FBXW10: variants seen among roughly 807,000 people sequenced by gnomAD.
FBXW10 encodes the protein F-box/WD repeat-containing protein 10.
FBXW10 carries 68 observed loss-of-function variants against 113.1 expected under a neutral mutation model. That is an observed-to-expected ratio of 0.60 (90% CI 0.49 to 0.74). FBXW10 has a LOEUF of 0.74. Ranked by LOEUF, FBXW10 falls within the 30% of genes least tolerant of loss-of-function variation. The pLI is 0.00. For synonymous variants in FBXW10, 289 were observed against 481.6 expected (o/e 0.60, Z 5.24); for missense variants, 753 against 1,284.5 (o/e 0.59, Z 6.32).
intron 4 of FBXW10, 110 bp downstream of exon 4, chr17:18,750,247 AC>A: frequency 1.0e-6 from 1 of 984,764 alleles, no homozygotes; most frequent in South Asian, 1.7e-5. Context: ...CTCCTCCTCT[AC>A]ATTTGTGGCC....
At chr17:18,758,271 C>G (rs1335673188) in intron 6 of FBXW10, 34 bp from the exon 7 acceptor site, 6 of 1,472,332 alleles carry the variant, frequency 4.1e-6, no homozygotes, top group East Asian at 2.4e-5. Flanking sequence ...ACTGACTCTT[C>G]TTTCATGGAT....
chr17:18,773,355 T>C (rs892092652), intron 12 of FBXW10, among the ~76,000 whole-genome samples: 1 of 152,012 alleles, frequency 6.6e-6, no homozygotes, highest in Non-Finnish European at 1.5e-5. Context: ...TCAAAACATA[T>C]ATTACATAAC....
chr17:18,776,041 G>A (rs887928962), intron 13 of FBXW10, among the ~76,000 whole-genome samples: 1 of 150,644 alleles, frequency 6.6e-6, no homozygotes, highest in African/African-American at 2.4e-5. Flanking sequence ...AAAAGTGGCC[G>A]GGCGCGGTGG....
At position 18,754,947 on chromosome 17, in the gene FBXW10, T is replaced by G. The variant is rs1597591709; in HGVS notation, c.1123-1098T>G. On this transcript the variant is annotated intron_variant, in intron 5 of 13. Coordinates refer to ENST00000395665, the MANE Select transcript of FBXW10 (RefSeq NM_001267585.2). The stretch of plus-strand genomic sequence containing the variant: ...GGCAGCTACAAGGACAAATGAAAGT[T>G]GCAGATGTATGAAAACTTTGAAATG... 2.6e-5 allele frequency among the ~76,000 whole-genome samples: 4 copies of G among 152,316 alleles called. No homozygotes were observed. The East Asian group carries it at 7.7e-4, about 29-fold the overall frequency.
At position 18,778,905 on chromosome 17, in the gene FBXW10, A is replaced by T; in HGVS notation, c.2766A>T (p.Leu922Phe). 9 of 1,613,722 alleles carry T rather than the reference A, an allele frequency of 5.6e-6. No individual in the cohort carries two copies. Among genetic ancestry groups the T allele is most frequent in the Non-Finnish European group, 7.6e-6 (9 of 1,179,810 alleles). Residue 922 changes from leucine (L) to phenylalanine (F), a missense_variant, in exon 14 of 14, where the codon TTA (leucine) becomes TTT (phenylalanine). By Grantham distance (22) the Leu-to-Phe change is conservative. Coordinates refer to ENST00000395665, the MANE Select transcript of FBXW10 (RefSeq NM_001267585.2). ...TCCGCTCCAGGTTCTCTGGCAGCTT[A>T]AAGGGTGGAGACCAAGTGACCAGTT... ...MIIRSRFSGS[L>F]KGGDQVTSSI...
intron 6 of FBXW10, among the ~76,000 whole-genome samples, chr17:18,757,286 C>T (rs1274951108): frequency 6.6e-6 from 1 of 152,120 alleles, no homozygotes; most frequent in Non-Finnish European, 1.5e-5. Context: ...TGGGCTCAAG[C>T]GATTCTCCTG....
In FBXW10 at chr17:18,761,095, T is replaced by C. The variant is rs142465313; in HGVS notation, c.1433+2590T>C. Among the ~76,000 whole-genome samples the C allele has an allele frequency of 2.6e-5, 4 of 152,262 alleles. No individual in the cohort carries two copies. In the East Asian group the frequency reaches 7.7e-4, roughly 29 times the overall value. ...GATTTGAGGTGCTATCTTTATCACA[T>C]TGAAATTTCCCATATGTGCATGAGA... On this transcript the variant is annotated intron_variant, in intron 7 of 13. Coordinates refer to ENST00000395665, the MANE Select transcript of FBXW10 (RefSeq NM_001267585.2).
chr17:18,762,057 G>A (rs1467867890), intron 7 of FBXW10, among the ~76,000 whole-genome samples: 2 of 151,692 alleles, frequency 1.3e-5, no homozygotes, highest in South Asian at 2.1e-4. Context: ...CCGCCTCCTG[G>A]GTTCATGCCA....
Position 18,771,228 on chromosome 17 carries a change from G to A in FBXW10, c.2006+1143G>A, listed in dbSNP as rs1465429166. On this transcript the variant is annotated intron_variant, in intron 11 of 13. Transcript: ENST00000395665. Reference sequence around the variant, plus strand: ...GGATTTCTTATTGGAATGACACCCCGCATTCCATTCCAGCAGTTCCAGCCA... The same window carrying A: ...GGATTTCTTATTGGAATGACACCCCACATTCCATTCCAGCAGTTCCAGCCA... Among the ~76,000 whole-genome samples, 5 of 152,106 alleles carry A rather than the reference G, an allele frequency of 3.3e-5. No individual in the cohort carries two copies. In the East Asian group the frequency reaches 7.7e-4, roughly 23 times the overall value.
At chr17:18,767,854 G>A (rs1218731700) in intron 9 of FBXW10, among the ~76,000 whole-genome samples, 1 of 152,062 alleles carries the variant, frequency 6.6e-6, no homozygotes, top group East Asian at 1.9e-4. Context: ...AGTGATTTCT[G>A]GCCCTCTCTA....
At chr17:18,755,565 A>AG (rs2035245721) in intron 5 of FBXW10, among the ~76,000 whole-genome samples, 1 of 150,550 alleles carries the variant, frequency 6.6e-6, no homozygotes, top group Non-Finnish European at 1.5e-5. Flanking sequence ...AAAAAAAAAA[A>AG]TGCAAATGCA....
Position 18,769,851 on chromosome 17 carries a change from A to C in FBXW10, c.1848-76A>C, listed in dbSNP as rs985944050. On this transcript the variant is annotated intron_variant, in intron 10 of 13. Coordinates refer to ENST00000395665, the MANE Select transcript of FBXW10 (RefSeq NM_001267585.2). ...GCCAGTGCTGCTCAATCACACACAAAATGCTCCCAACCTACAAACAAACCC... is the reference window on the plus strand; with the variant it reads ...GCCAGTGCTGCTCAATCACACACAACATGCTCCCAACCTACAAACAAACCC... The C allele has an allele frequency of 4.7e-4, 729 of 1,544,808 alleles. 8 individuals carry two copies. The highest frequency in any genetic ancestry group is 8.7e-5 in the Non-Finnish European group (99 of 1,137,762).
chr17:18,777,222 C>T (rs959098694), intron 13 of FBXW10, among the ~76,000 whole-genome samples: 10 of 151,586 alleles, frequency 6.6e-5, no homozygotes, highest in East Asian at 3.9e-4. Flanking sequence ...CCACCACGCC[C>T]GGCTAATTTT....
intron 11 of FBXW10, 50 bp from the exon 12 acceptor site, chr17:18,772,362 C>T (rs773224164): frequency 1.1e-5 from 17 of 1,564,058 alleles, no homozygotes; most frequent in Admixed American, 8.9e-5. Flanking sequence ...GTGCATCTTT[C>T]GGTGGCCTCC....
chr17:18,765,016 CATCT>C (rs1193794249), intron 8 of FBXW10, among the ~76,000 whole-genome samples, 153 bp downstream of exon 8: 2 of 152,116 alleles, frequency 1.3e-5, no homozygotes, highest in African/African-American at 4.8e-5. Flanking sequence ...TCCTTCCTTC[CATCT>C]ATCAATCAAT....
At chr17:18,775,290 A>C in intron 13 of FBXW10, 98 bp downstream of exon 13, 1 of 779,396 alleles carries the variant, frequency 1.3e-6, no homozygotes, top group Non-Finnish European at 2.3e-6. Flanking sequence ...ATAAGACAAA[A>C]AGTCATACTT....
In FBXW10 at chr17:18,770,093, G is replaced by T. The variant is rs769168829; in HGVS notation, c.2006+8G>T. 1.9e-6 allele frequency: 3 copies of T among 1,614,182 alleles called. No homozygotes were observed. Among genetic ancestry groups the T allele is most frequent in the Non-Finnish European group, 2.5e-6 (3 of 1,180,020 alleles). On this transcript the variant is annotated splice_region_variant and intron_variant, in intron 11 of 13. Transcript: ENST00000395665. Reference sequence around the variant, plus strand: ...CTTTATTCAGGGCAACAGGTGGGTGGTAGGTGTGGAGGTCAGAACTGTGAG... The same window carrying T: ...CTTTATTCAGGGCAACAGGTGGGTGTTAGGTGTGGAGGTCAGAACTGTGAG...
intron 7 of FBXW10, among the ~76,000 whole-genome samples, chr17:18,759,987 T>A (rs2035349776): frequency 6.6e-6 from 1 of 152,184 alleles, no homozygotes; most frequent in African/African-American, 2.4e-5. Flanking sequence ...CTGGTGCCCA[T>A]GTGCACGAGT....
chr17:18,772,631 A>C lies in FBXW10; in HGVS notation c.2226A>C (p.Pro742=). 1.2e-6 allele frequency: 2 copies of C among 1,614,140 alleles called. No individual in the cohort carries two copies. The highest frequency in any genetic ancestry group is 1.7e-6 in the Non-Finnish European group (2 of 1,180,000). Residue 742 remains proline (P), a synonymous_variant, in exon 12 of 14, where the codon CCA becomes CCC. Coordinates refer to ENST00000395665, the MANE Select transcript of FBXW10 (RefSeq NM_001267585.2). ...AAACTGTGATCCAAGAGCTCCTACC[A>C]GGCAAACCTCCCAAGTCCCGAGTAC... ...SKQTVIQELL[P]GKPPKSRVLL...
Sources: allele counts gnomAD v4.1 joint callset (sites outside exome capture counted in the v4.1 genomes callset), GRCh38; gene constraint gnomAD v4.1.1; transcripts MANE v1.5; gene names NCBI Gene and HGNC (gene_info 2026-07-23, HGNC 2026-07-21).